Variants in ADGRB3 observed in about 807,000 individuals in gnomAD.
ADGRB3 encodes adhesion G protein-coupled receptor B3.
Under a neutral mutation model 193.4 loss-of-function variants are expected in ADGRB3, and 37 were observed. The ratio of observed to expected loss-of-function variants is 0.19; its 90% CI spans 0.15 to 0.25. The LOEUF is 0.25. Among genes scored for constraint, ADGRB3 ranks in the 10% least tolerant of loss-of-function variants. The probability of loss-of-function intolerance (pLI) is 1.00; values close to 1 mark genes in which losing one functional copy is unlikely to be tolerated. For synonymous variants in ADGRB3, 690 were observed against 644.2 expected, an observed-to-expected ratio of 1.07 and a Z score of -1.08; for missense variants, 1,637 against 1,852.9, an observed-to-expected ratio of 0.88 and a Z score of 2.14.
intron 3 of ADGRB3, among the ~76,000 whole-genome samples, chr6:68,668,157 A>T (rs1768846975): frequency 6.6e-6 from 1 of 152,058 alleles, no homozygotes; most frequent in African/African-American, 2.4e-5. Flanking sequence ...GCTAGAGCCA[A>T]AAAACTGAAG....
At position 68,877,238 on chromosome 6, in the gene ADGRB3, T is replaced by A. The variant is rs192590929; in HGVS notation, c.758-53321T>A. Reference sequence around the variant, plus strand: ...TTGGATTCTTTATAAATAATCTACGTACTTTTTTTTTGTTTCTAGACATTA... The same window carrying A: ...TTGGATTCTTTATAAATAATCTACGAACTTTTTTTTTGTTTCTAGACATTA... On this transcript the variant is annotated intron_variant, in intron 3 of 31. Transcript: ENST00000370598. Among the ~76,000 whole-genome samples, 3 of 151,606 alleles carry A rather than the reference T, an allele frequency of 2.0e-5. No homozygotes were observed. In the East Asian group the frequency reaches 5.8e-4, roughly 29 times the overall value.
At chr6:68,777,634 G>T (rs1766772748) in intron 3 of ADGRB3, among the ~76,000 whole-genome samples, 1 of 135,350 alleles carries the variant, frequency 7.4e-6, no homozygotes, top group Admixed American at 7.4e-5. Flanking sequence ...GGACCAAAGG[G>T]ATTAGGAAGC....
intron 24 of ADGRB3, among the ~76,000 whole-genome samples, chr6:69,338,549 A>C (rs1307707753): frequency 6.6e-6 from 1 of 152,212 alleles, no homozygotes. Flanking sequence ...GAACATCCTC[A>C]GGGCTAGGAG....
At chr6:69,330,281 T>A (rs1482874185) in intron 22 of ADGRB3, among the ~76,000 whole-genome samples, 1 of 152,226 alleles carries the variant, frequency 6.6e-6, no homozygotes, top group African/African-American at 2.4e-5. Context: ...AAGTAAAACC[T>A]TGTAATAAAA....
chr6:69,183,614 T>C (rs1179490670), intron 17 of ADGRB3, among the ~76,000 whole-genome samples: 1 of 152,098 alleles, frequency 6.6e-6, no homozygotes, highest in Non-Finnish European at 1.5e-5. Flanking sequence ...GGCCAGATTA[T>C]TGATTTCATT....
chr6:69,297,338 A>ATCTC lies in ADGRB3; in HGVS notation c.2815-27533_2815-27532insCTCT, dbSNP rs1469768397. Among the ~76,000 whole-genome samples the ATCTC allele has an allele frequency of 2.4e-4, 14 of 58,048 alleles. No individual in the cohort carries two copies. In the East Asian group the frequency reaches 8.2e-3, roughly 34 times the overall value. The allele number at this position is 58,048 out of a possible 152,430, so 38.1% of individuals were successfully genotyped here. On this transcript the variant is annotated intron_variant, in intron 20 of 31. Coordinates refer to ENST00000370598, the MANE Select transcript of ADGRB3 (RefSeq NM_001704.3). Reference sequence around the variant, plus strand: ...GAAAAAATTAAGGACACTTCTACTGATATCTCTCTCTCTCTCTCTCTCTCT... The same window carrying ATCTC: ...GAAAAAATTAAGGACACTTCTACTGATCTCTATCTCTCTCTCTCTCTCTCTCTCT...
intron 17 of ADGRB3, among the ~76,000 whole-genome samples, chr6:69,077,594 C>T (rs1582443775): frequency 6.6e-6 from 1 of 151,928 alleles, no homozygotes; most frequent in Admixed American, 6.6e-5. Flanking sequence ...GGCTACTTTT[C>T]ATAGACAGTA....
chr6:69,029,783 T>A (rs1333327987), intron 13 of ADGRB3, among the ~76,000 whole-genome samples: 1 of 152,022 alleles, frequency 6.6e-6, no homozygotes, highest in African/African-American at 2.4e-5. Context: ...ACTTCAAAAA[T>A]TAAGATTTCC....
At chr6:68,990,637 T>C (rs1769211867) in intron 10 of ADGRB3, among the ~76,000 whole-genome samples, 1 of 152,178 alleles carries the variant, frequency 6.6e-6, no homozygotes, top group African/African-American at 2.4e-5. Flanking sequence ...CAGTGCCTTC[T>C]GTAACTATTT....
intron 8 of ADGRB3, among the ~76,000 whole-genome samples, chr6:68,961,994 A>G (rs551853092): frequency 3.8e-4 from 58 of 152,246 alleles, no homozygotes; most frequent in Middle Eastern, 6.8e-3. Context: ...TTGACTGCAT[A>G]TTTTTGGGAA....
intron 20 of ADGRB3, among the ~76,000 whole-genome samples, chr6:69,258,517 G>A (rs756250444): frequency 7.2e-5 from 11 of 152,174 alleles, no homozygotes; most frequent in East Asian, 1.9e-4. Flanking sequence ...CTGCAAATTC[G>A]TTGCAGAAAT....
At chr6:69,080,074 A>G (rs1431205017) in intron 17 of ADGRB3, among the ~76,000 whole-genome samples, 1 of 151,964 alleles carries the variant, frequency 6.6e-6, no homozygotes, top group Non-Finnish European at 1.5e-5. Flanking sequence ...CTTTGCTTCC[A>G]TTATCCTTAT....
At chr6:69,029,916 C>T (rs1770577789) in intron 13 of ADGRB3, among the ~76,000 whole-genome samples, 1 of 151,100 alleles carries the variant, frequency 6.6e-6, no homozygotes, top group Non-Finnish European at 1.5e-5. Flanking sequence ...ACAGACACTT[C>T]TCAAGAGAAA....
intron 13 of ADGRB3, among the ~76,000 whole-genome samples, chr6:69,043,017 A>G (rs182808503): frequency 1.3e-5 from 2 of 152,280 alleles, no homozygotes; most frequent in Admixed American, 6.5e-5. Context: ...ACTTAGTCTG[A>G]TGCTTAAATG....
intron 3 of ADGRB3, among the ~76,000 whole-genome samples, chr6:68,650,038 C>T (rs1768312512): frequency 6.6e-6 from 1 of 152,134 alleles, no homozygotes; most frequent in Non-Finnish European, 1.5e-5. Flanking sequence ...TTGAGAACAA[C>T]AGGTTTCTTA....
In ADGRB3 at chr6:68,767,986, T is replaced by C. The variant is rs564839081; in HGVS notation, c.757+128554T>C. 2.6e-5 allele frequency among the ~76,000 whole-genome samples: 4 copies of C among 152,250 alleles called. No homozygotes were observed. In the South Asian group the frequency reaches 8.3e-4, roughly 32 times the overall value. On this transcript the variant is annotated intron_variant, in intron 3 of 31. Transcript: ENST00000370598. ...GCCTAGGAATAAAACTTACAAGGGA[T>C]GTGAAGGACCTCTTCAATAAGAACT...
At chr6:69,371,666 T>A (rs1382605919) in intron 29 of ADGRB3, among the ~76,000 whole-genome samples, 1 of 152,140 alleles carries the variant, frequency 6.6e-6, no homozygotes, top group Non-Finnish European at 1.5e-5. Flanking sequence ...AATCCTGTTT[T>A]CTGGTTGTAT....
At chr6:68,664,937 CT>C in intron 3 of ADGRB3, among the ~76,000 whole-genome samples, 1 of 151,920 alleles carries the variant, frequency 6.6e-6, no homozygotes, top group South Asian at 2.1e-4. Context: ...TATACACATT[CT>C]TACTCAATCT....
intron 24 of ADGRB3, 33 bp from the exon 25 acceptor site, chr6:69,338,883 T>C: frequency 5.7e-6 from 9 of 1,583,538 alleles, no homozygotes; most frequent in Admixed American, 1.8e-5. Context: ...TTCAATATTT[T>C]GTTCTTTTTG....
Sources: allele counts gnomAD v4.1 joint callset (sites outside exome capture counted in the v4.1 genomes callset), GRCh38; gene constraint gnomAD v4.1.1; transcripts MANE v1.5; gene names NCBI Gene and HGNC (gene_info 2026-07-23, HGNC 2026-07-21).